CSMD1: variants seen among roughly 807,000 people sequenced by gnomAD.
CSMD1 encodes CUB and Sushi multiple domains 1.
Under a neutral mutation model 417.5 loss-of-function variants are expected in CSMD1, and 213 were observed. That is an observed-to-expected ratio of 0.51 (90% confidence interval 0.46 to 0.57). The LOEUF is 0.57. CSMD1 is among the 20% of genes least tolerant of loss of function. CSMD1 has a pLI of 0.00. For synonymous variants in CSMD1, 2,862 were observed against 1,736.8 expected (o/e 1.65, Z -16.11); for missense variants, 6,923 against 4,529.7 (o/e 1.53, Z -15.17).
At chr8:4,302,026 A>G (rs1016847259) in intron 3 of CSMD1, among the ~76,000 whole-genome samples, 2 of 152,244 alleles carry the variant, frequency 1.3e-5, no homozygotes, top group African/African-American at 2.4e-5. Flanking sequence ...TTTGGTACAA[A>G]TATTTTTTGA....
chr8:3,981,624 C>G (rs1433484155), intron 5 of CSMD1, among the ~76,000 whole-genome samples: 1 of 151,430 alleles, frequency 6.6e-6, no homozygotes, highest in Non-Finnish European at 1.5e-5. Context: ...CAGTATTGTT[C>G]CCTTTGAGTT....
intron 3 of CSMD1, among the ~76,000 whole-genome samples, chr8:4,032,481 C>T (rs1444267917): frequency 1.3e-5 from 2 of 152,156 alleles, no homozygotes; most frequent in Non-Finnish European, 2.9e-5. Context: ...AAATCTAAAA[C>T]AGTGGCATAA....
chr8:4,565,668 G>C (rs1798562144), intron 2 of CSMD1, among the ~76,000 whole-genome samples: 1 of 150,746 alleles, frequency 6.6e-6, no homozygotes, highest in Non-Finnish European at 1.5e-5. Context: ...CAAGGAGGCA[G>C]AGGTTGCAGT....
chr8:3,674,244 T>C (rs897863719), intron 7 of CSMD1, among the ~76,000 whole-genome samples: 1 of 152,226 alleles, frequency 6.6e-6, no homozygotes, highest in African/African-American at 2.4e-5. Context: ...GTTGACTTCA[T>C]TTTGTTAGTT....
chr8:4,480,787 C>G (rs1382955796), intron 2 of CSMD1, among the ~76,000 whole-genome samples: 2 of 152,062 alleles, frequency 1.3e-5, no homozygotes, highest in Non-Finnish European at 2.9e-5. Context: ...ACTCAGGAAC[C>G]AATTAATATT....
At chr8:4,686,182 A>T (rs2116737537) in intron 1 of CSMD1, among the ~76,000 whole-genome samples, 1 of 152,314 alleles carries the variant, frequency 6.6e-6, no homozygotes, top group East Asian at 1.9e-4. Flanking sequence ...CAAGGAACGT[A>T]CCCTTCTTTC....
intron 2 of CSMD1, among the ~76,000 whole-genome samples, chr8:4,422,439 G>T (rs1482487680): frequency 1.3e-5 from 2 of 152,080 alleles, no homozygotes; most frequent in Non-Finnish European, 2.9e-5. Flanking sequence ...TTCGGACTCT[G>T]ATCCCATAGG....
chr8:4,752,343 C>T (rs1343346828), intron 1 of CSMD1, among the ~76,000 whole-genome samples: 2 of 152,100 alleles, frequency 1.3e-5, no homozygotes, highest in African/African-American at 4.8e-5. Flanking sequence ...TCTCTGTGAG[C>T]AATCTTTTTT....
chr8:4,718,700 GA>G (rs1291313070), intron 1 of CSMD1, among the ~76,000 whole-genome samples: 7 of 151,718 alleles, frequency 4.6e-5, no homozygotes, highest in Admixed American at 3.9e-4. Flanking sequence ...TAGGTGACAG[GA>G]AGTAAATTAT....
intron 1 of CSMD1, among the ~76,000 whole-genome samples, chr8:4,670,477 T>C (rs937041321): frequency 9.9e-5 from 15 of 152,220 alleles, no homozygotes; most frequent in African/African-American, 3.6e-4. Flanking sequence ...GGTGGTCTTT[T>C]AACTACTCCC....
intron 38 of CSMD1, 131 bp from the exon 39 acceptor site, chr8:3,158,097 A>C: frequency 1.3e-6 from 1 of 752,846 alleles, no homozygotes; most frequent in South Asian, 1.9e-5. Flanking sequence ...AAAAATTGTG[A>C]AATCTGTTTT....
intron 10 of CSMD1, among the ~76,000 whole-genome samples, chr8:3,521,359 C>G (rs1461350670): frequency 3.3e-5 from 5 of 152,108 alleles, no homozygotes; most frequent in African/African-American, 2.4e-5. Context: ...TGGCCCTTCT[C>G]CCATGATGTC....
At chr8:3,529,843 T>C (rs1585311825) in intron 10 of CSMD1, among the ~76,000 whole-genome samples, 1 of 152,226 alleles carries the variant, frequency 6.6e-6, no homozygotes, top group Non-Finnish European at 1.5e-5. Context: ...GCCTACATTT[T>C]CTTGGACAAT....
At chr8:4,091,682 C>T (rs900212830) in intron 3 of CSMD1, among the ~76,000 whole-genome samples, 2 of 152,168 alleles carry the variant, frequency 1.3e-5, no homozygotes, top group African/African-American at 4.8e-5. Flanking sequence ...TCCCTAAAAT[C>T]TGTGAAGACT....
chr8:3,760,668 T>C (rs1797943016), intron 5 of CSMD1, among the ~76,000 whole-genome samples: 1 of 152,248 alleles, frequency 6.6e-6, no homozygotes, highest in Non-Finnish European at 1.5e-5. Context: ...TTTTCTAAAA[T>C]GCATTTGGAA....
intron 1 of CSMD1, among the ~76,000 whole-genome samples, chr8:4,738,005 T>C (rs555271535): frequency 6.6e-6 from 1 of 152,316 alleles, no homozygotes; most frequent in East Asian, 1.9e-4. Flanking sequence ...ATATCCTTTC[T>C]CCACATGTAA....
intron 3 of CSMD1, among the ~76,000 whole-genome samples, chr8:4,241,089 C>T (rs938694894): frequency 6.6e-6 from 1 of 152,156 alleles, no homozygotes; most frequent in Non-Finnish European, 1.5e-5. Flanking sequence ...TACTTATCCT[C>T]TACATAGAAT....
chr8:4,292,497 C>T (rs1241861437), intron 3 of CSMD1, among the ~76,000 whole-genome samples: 1 of 152,252 alleles, frequency 6.6e-6, no homozygotes, highest in East Asian at 1.9e-4. Flanking sequence ...CGTAATCTGC[C>T]TGCCTTGGCC....
intron 2 of CSMD1, among the ~76,000 whole-genome samples, chr8:4,514,203 G>A (rs1039148386): frequency 7.2e-5 from 11 of 152,034 alleles, no homozygotes; most frequent in Non-Finnish European, 2.9e-5. Flanking sequence ...GTCCTCATAA[G>A]GCAGAGTAGG....
Sources: gnomAD v4.1 joint callset for allele counts (sites outside exome capture counted in the v4.1 genomes callset) on GRCh38, gnomAD v4.1.1 for gene constraint, MANE v1.5 for transcripts, NCBI Gene and HGNC (gene_info 2026-07-23, HGNC 2026-07-21) for gene names.